ACTR3C: variants seen among roughly 807,000 people sequenced by gnomAD.
ACTR3C encodes the protein actin-related protein 3C.
Under a neutral mutation model 26.3 loss-of-function variants are expected in ACTR3C, and 18 were observed. That is an observed-to-expected ratio of 0.68 (90% CI 0.47 to 1.01). The LOEUF is 1.01. ACTR3C is among the 50% of genes least tolerant of loss of function. The probability of loss-of-function intolerance (pLI) is 0.00; values close to 1 mark genes in which losing one functional copy is unlikely to be tolerated. For missense variants in ACTR3C, 184 were observed against 250.7 expected, an observed-to-expected ratio of 0.73 and a Z score of 1.80; for synonymous variants, 55 against 94.5, an observed-to-expected ratio of 0.58 and a Z score of 2.42.
chr7:149,982,970 AG>A, the ACTR3C span, among the ~76,000 whole-genome samples: 1 of 152,370 alleles, frequency 6.6e-6, no homozygotes, highest in East Asian at 1.9e-4. Context: ...CTGATCTTAA[AG>A]GAAAAGCGTT....
At chr7:150,239,540 C>CTCTCTCTA (rs1317088405), downstream of ACTR3C, among the ~76,000 whole-genome samples, 12 of 90,252 alleles carry the variant, frequency 1.3e-4, no homozygotes, top group Admixed American at 4.8e-4. Context: ...CTCTCTCTCT[C>CTCTCTCTA]TATATATATA....
chr7:150,164,938 T>C, the ACTR3C span, among the ~76,000 whole-genome samples: 1 of 152,210 alleles, frequency 6.6e-6, no homozygotes, highest in Non-Finnish European at 1.5e-5. Context: ...TGAGCTATTA[T>C]TTCTTTTCAC....
At chr7:149,906,049 G>A in the ACTR3C span, among the ~76,000 whole-genome samples, 4 of 152,082 alleles carry the variant, frequency 2.6e-5, no homozygotes, top group East Asian at 1.9e-4. Context: ...TTGTATATTC[G>A]CGTTAGAATT....
chr7:150,310,880 C>T (rs1200220134), intron 1 of ACTR3C, among the ~76,000 whole-genome samples: 1 of 152,192 alleles, frequency 6.6e-6, no homozygotes, highest in African/African-American at 2.4e-5. Context: ...CACCTCTACT[C>T]AAAAGGGTAC....
chr7:149,987,791 G>A, the ACTR3C span, among the ~76,000 whole-genome samples: 1 of 151,260 alleles, frequency 6.6e-6, no homozygotes, highest in Non-Finnish European at 1.5e-5. Flanking sequence ...CTAAAGAAGA[G>A]AGACCACAAG....
At chr7:150,261,420 C>T (rs1238735748) in intron 6 of ACTR3C, among the ~76,000 whole-genome samples, 3 of 152,214 alleles carry the variant, frequency 2.0e-5, no homozygotes, top group Non-Finnish European at 4.4e-5. Context: ...GCCCATTTAA[C>T]ATTCTGACAA....
At chr7:150,182,168 A>G in the ACTR3C span, among the ~76,000 whole-genome samples, 1 of 150,438 alleles carries the variant, frequency 6.6e-6, no homozygotes, top group Non-Finnish European at 1.5e-5. Flanking sequence ...CAGATCAAAA[A>G]CGAACAAGCA....
At chr7:150,113,825 A>G in the ACTR3C span, among the ~76,000 whole-genome samples, 4 of 152,232 alleles carry the variant, frequency 2.6e-5, no homozygotes, top group Non-Finnish European at 5.9e-5. Flanking sequence ...TACTCTGGAT[A>G]ATGTGACCGT....
rs546299936 is a variant in ACTR3C, at chr7:150,262,660, T to C, written c.565-13606A>G. ...CGTTAAAACAAAGAAAAAATACTGA[T>C]AGCAATTTTATATCATGTAAAATAG... On this transcript the variant is annotated intron_variant, in intron 6 of 7. Coordinates refer to ENST00000683684, the MANE Select transcript of ACTR3C (RefSeq NM_001164458.2). Among the ~76,000 whole-genome samples the C allele has an allele frequency of 2.0e-5, 3 of 152,352 alleles. No homozygotes were observed. In the South Asian group the frequency reaches 6.2e-4, roughly 32 times the overall value.
the ACTR3C span, among the ~76,000 whole-genome samples, chr7:149,907,478 T>TCTC: frequency 0.071 from 6,950 of 97,646 alleles, 314 homozygotes; most frequent in Non-Finnish European, 0.078. Flanking sequence ...CTCTCTTCTC[T>TCTC]TCTCTCTCTC....
the ACTR3C span, among the ~76,000 whole-genome samples, chr7:150,199,015 C>G: frequency 1.4e-5 from 2 of 145,238 alleles, no homozygotes; most frequent in Non-Finnish European, 3.0e-5. Flanking sequence ...CCAGCCGCCC[C>G]GTCCGGGAGG....
chr7:149,897,993 T>A, the ACTR3C span, among the ~76,000 whole-genome samples: 7 of 152,214 alleles, frequency 4.6e-5, no homozygotes, highest in African/African-American at 1.7e-4. Flanking sequence ...TTTCCCCACC[T>A]CCTTTTCTCA....
chr7:149,992,720 A>G, the ACTR3C span, among the ~76,000 whole-genome samples: 80 of 152,262 alleles, frequency 5.3e-4, no homozygotes, highest in African/African-American at 1.8e-3. Context: ...ATTGGTCAGG[A>G]ATCTCCAGAG....
At chr7:149,962,414 A>T in the ACTR3C span, among the ~76,000 whole-genome samples, 1 of 152,144 alleles carries the variant, frequency 6.6e-6, no homozygotes, top group Non-Finnish European at 1.5e-5. Context: ...CACAGATTTG[A>T]CCTTGTGAAG....
chr7:150,168,197 G>A, the ACTR3C span, among the ~76,000 whole-genome samples: 1 of 150,820 alleles, frequency 6.6e-6, no homozygotes, highest in South Asian at 2.1e-4. Context: ...GAGGTGAGGG[G>A]TGGCCAAGCA....
At chr7:149,953,022 C>A in the ACTR3C span, among the ~76,000 whole-genome samples, 2 of 151,298 alleles carry the variant, frequency 1.3e-5, no homozygotes, top group African/African-American at 4.9e-5. Context: ...AAAAACGGCA[C>A]AAAGGTATAT....
At chr7:150,306,534 T>C (rs183036728) in intron 1 of ACTR3C, among the ~76,000 whole-genome samples, 44 of 152,360 alleles carry the variant, frequency 2.9e-4, no homozygotes, top group Admixed American at 2.5e-3. Flanking sequence ...GCCAGTTTCT[T>C]GGCCCCATTT....
the ACTR3C span, among the ~76,000 whole-genome samples, chr7:150,121,334 T>C: frequency 6.6e-6 from 1 of 152,132 alleles, no homozygotes; most frequent in South Asian, 2.1e-4. Context: ...GAAAACCCCA[T>C]TGCCTCAGCC....
the ACTR3C span, among the ~76,000 whole-genome samples, chr7:150,154,400 C>A: frequency 6.6e-6 from 1 of 151,642 alleles, no homozygotes; most frequent in African/African-American, 2.4e-5. Flanking sequence ...TTATATTGTA[C>A]TTTCTTGAGA....
Sources: gnomAD v4.1 joint callset for allele counts (sites outside exome capture counted in the v4.1 genomes callset) on GRCh38, gnomAD v4.1.1 for gene constraint, MANE v1.5 for transcripts, NCBI Gene and HGNC (gene_info 2026-07-23, HGNC 2026-07-21) for gene names.